C2CD4B: variants seen among roughly 807,000 people sequenced by gnomAD.
C2CD4B encodes C2 calcium dependent domain containing 4B, also known as C2 calcium-dependent domain-containing protein 4B.
For synonymous variants in C2CD4B, 347 were observed against 284.9 expected (o/e 1.22, Z -2.20); for missense variants, 644 against 577.7 (o/e 1.11, Z -1.18).
rs2049573788 is a variant in C2CD4B at position 62,163,566 on chromosome 15, A to C, written c.*324T>G. ...TGAATAACTTGCTTTATTAAAAAAA[A>C]ACTGTAACATTGATAGAAAACCGGA... On this transcript the variant is annotated 3_prime_UTR_variant, in exon 2 of 2. Coordinates refer to ENST00000380392, the MANE Select transcript of C2CD4B (RefSeq NM_001007595.3). 3.3e-6 allele frequency: 1 copy of C among 299,896 alleles called. No individual in the cohort carries two copies. Among genetic ancestry groups the C allele is most frequent in the Non-Finnish European group, 6.1e-6 (1 of 164,652 alleles). The allele number at this position is 299,896 out of a possible 1,614,324, so 18.6% of individuals were successfully genotyped here. A position where few individuals can be genotyped will look rare whatever the true frequency, so the allele number is the denominator to read the frequency against.
chr15:62,164,797 T>C lies in C2CD4B; in HGVS notation c.188A>G (p.Asp63Gly), dbSNP rs779346787. The change falls in exon 2 of 2, where the codon GAC (aspartate) becomes GGC (glycine). Residue 63 changes from aspartate to glycine, a missense_variant. Coordinates refer to ENST00000380392, the MANE Select transcript of C2CD4B (RefSeq NM_001007595.3). The stretch of plus-strand genomic sequence containing the variant: ...CTCGTCTGCCGCGCGGGGCCACAGG[T>C]CGCTTTCAGCGGCGCAGCGCCGGGG... ...AVPRRCAAESDLWPRAADEDA... is the reference protein window; with the variant it reads ...AVPRRCAAESGLWPRAADEDA... 3 of 1,474,630 alleles carry C rather than the reference T, an allele frequency of 2.0e-6. No homozygotes were observed. Among genetic ancestry groups the C allele is most frequent in the Non-Finnish European group, 2.7e-6 (3 of 1,123,884 alleles). The allele number at this position is 1,474,630 out of a possible 1,614,324, so 91.3% of individuals were successfully genotyped here.
chr15:62,163,810 T>A lies in C2CD4B; in HGVS notation c.*80A>T. Reference sequence around the variant, plus strand: ...TAAAGCAGTATCATAAATAAAAAAATAAATAACGTTTATTCTGTACCACGC... The same window carrying A: ...TAAAGCAGTATCATAAATAAAAAAAAAAATAACGTTTATTCTGTACCACGC... On this transcript the variant is annotated 3_prime_UTR_variant, in exon 2 of 2. Transcript: ENST00000380392. 7.4e-7 allele frequency: 1 copy of A among 1,358,772 alleles called. No individual in the cohort carries two copies. Among genetic ancestry groups the A allele is most frequent in the Non-Finnish European group, 9.4e-7 (1 of 1,058,384 alleles). 84.2% of individuals were successfully genotyped at this position (1,358,772 alleles called of 1,614,324 possible). A position where few individuals can be genotyped will look rare whatever the true frequency, so the allele number is the denominator to read the frequency against.
chr15:62,164,677 A>G lies in C2CD4B; in HGVS notation c.308T>C (p.Leu103Pro), dbSNP rs1240724382. The G allele has an allele frequency of 1.4e-6, 2 of 1,451,388 alleles. No homozygotes were observed. The highest frequency in any genetic ancestry group is 1.3e-5 in the South Asian group (1 of 74,306). The allele number at this position is 1,451,388 out of a possible 1,614,324, so 89.9% of individuals were successfully genotyped here. ...GCGGCGCGTGTGCGGGCTCTCGAGC[A>G]GCGCGCAGAAGCCGTAGGTGGTGCG... ...RVRTTYGFCA[L>P]LESPHTRRKE... Residue 103 changes from leucine (L) to proline (P), a missense_variant, in exon 2 of 2, where the codon CTG (leucine) becomes CCG (proline). Leu to Pro is a moderately conservative substitution (Grantham distance 98). Coordinates refer to ENST00000380392, the MANE Select transcript of C2CD4B (RefSeq NM_001007595.3).
Position 62,165,273 on chromosome 15 carries a change from C to T in C2CD4B, c.-119G>A. On this transcript the variant is annotated 5_prime_UTR_variant, in exon 1 of 2. In the 5' UTR this introduces an upstream ATG that the reference lacks. Transcript: ENST00000380392. ...CCTCTAGCCCGCTGCCGAGGCGCCA[C>T]CTTCAGTACTGCGGCCAGGAGAGTG... 5.0e-6 allele frequency: 2 copies of T among 400,112 alleles called. No homozygotes were observed. Among genetic ancestry groups the T allele is most frequent in the Middle Eastern group, 6.2e-4 (1 of 1,616 alleles). 24.8% of individuals were successfully genotyped at this position (400,112 alleles called of 1,614,324 possible). A position where few individuals can be genotyped will look rare whatever the true frequency, so the allele number is the denominator to read the frequency against.
rs1001175877 is a variant in C2CD4B, at chr15:62,164,043, G to C, written c.942C>G (p.Ser314=). ...SAVVGRSRKA[S]FDQDFCFDGL... is the part of the protein sequence containing the mutation. ...CGTCGAAGCAAAAGTCCTGGTCAAA[G>C]GAGGCCTTGCGGCTGCGCCCCACCA... Residue 314 remains serine, a synonymous_variant, in exon 2 of 2, where the codon TCC becomes TCG. Transcript: ENST00000380392. 1.9e-6 allele frequency: 3 copies of C among 1,596,728 alleles called. No individual in the cohort carries two copies. In the East Asian group the frequency reaches 6.8e-5, roughly 36 times the overall value.
At position 62,164,107 on chromosome 15, in the gene C2CD4B, A is replaced by T. The variant is rs1251559769; in HGVS notation, c.878T>A (p.Leu293Gln). 1.3e-6 allele frequency: 2 copies of T among 1,507,654 alleles called. No homozygotes were observed. The highest frequency in any genetic ancestry group is 2.1e-5 in the Admixed American group (1 of 46,884). 93.4% of individuals were successfully genotyped at this position (1,507,654 alleles called of 1,614,324 possible). ...CCAACGCGCAGTGCCCGGCGGCCGC[A>T]GGACGAGGCTGAGGCGGCAGCGGAC... ...RAVRCRLSLVLRPPGTARWQC... is the reference protein window; with the variant it reads ...RAVRCRLSLVQRPPGTARWQC... Residue 293 changes from leucine (L) to glutamine (Q), a missense_variant, in exon 2 of 2, where the codon CTG (leucine) becomes CAG (glutamine). Physicochemically the swap from Leu to Gln is moderately radical, Grantham distance 113. Transcript: ENST00000380392.
Position 62,164,891 on chromosome 15 carries a change from C to G in C2CD4B, c.94G>C (p.Glu32Gln). Reference sequence around the variant, plus strand: ...GGCAGCCGCGGCGGGATGCAGAATTCGGGGATGCGATTCGGCGTGAGCACT... The same window carrying G: ...GGCAGCCGCGGCGGGATGCAGAATTGGGGGATGCGATTCGGCGTGAGCACT... ...AKVLTPNRIP[E>Q]FCIPPRLPAP... The change falls in exon 2 of 2, where the codon GAA (glutamate) becomes CAA (glutamine). Residue 32 changes from glutamate (E) to glutamine (Q), a missense_variant. Transcript: ENST00000380392. 2 of 1,527,480 alleles carry G rather than the reference C, an allele frequency of 1.3e-6. No individual in the cohort carries two copies. The highest frequency in any genetic ancestry group is 1.8e-6 in the Non-Finnish European group (2 of 1,141,670). 94.6% of individuals were successfully genotyped at this position (1,527,480 alleles called of 1,614,324 possible). A position where few individuals can be genotyped will look rare whatever the true frequency, so the allele number is the denominator to read the frequency against.
rs778686629 is a variant in C2CD4B, at chr15:62,164,178, C to A, written c.807G>T (p.Leu269=). The A allele has an allele frequency of 1.6e-5, 24 of 1,472,668 alleles. No homozygotes were observed. In the South Asian group the frequency reaches 2.9e-4, roughly 18 times the overall value. 91.2% of individuals were successfully genotyped at this position (1,472,668 alleles called of 1,614,324 possible). ...CTCCGAACAGGCTCTCCGCGCGGAG[C>A]AGCCGGAGGCGGAGACGCCGGGTTC... ...CPGTRRLRLR[L]LRAESLFGGA... is the part of the protein sequence containing the mutation. The change falls in exon 2 of 2, where the codon CTG becomes CTT. Residue 269 remains leucine (L), a synonymous_variant. Transcript: ENST00000380392.
At position 62,164,161 on chromosome 15, in the gene C2CD4B, A is replaced by T. The variant is rs1354174270; in HGVS notation, c.824T>A (p.Leu275Gln). 2.0e-6 allele frequency: 3 copies of T among 1,463,836 alleles called. No individual in the cohort carries two copies. Among genetic ancestry groups the T allele is most frequent in the Non-Finnish European group, 2.7e-6 (3 of 1,117,416 alleles). 90.7% of individuals were successfully genotyped at this position (1,463,836 alleles called of 1,614,324 possible). A position where few individuals can be genotyped will look rare whatever the true frequency, so the allele number is the denominator to read the frequency against. ...GCGGGGCCCGGGGGCGCCTCCGAACAGGCTCTCCGCGCGGAGCAGCCGGAG... is the reference window on the plus strand; with the variant it reads ...GCGGGGCCCGGGGGCGCCTCCGAACTGGCTCTCCGCGCGGAGCAGCCGGAG... ...LRLRLLRAES[L>Q]FGGAPGPRAV... Residue 275 changes from leucine to glutamine, a missense_variant, in exon 2 of 2, where the codon CTG becomes CAG. Leu to Gln is a moderately radical substitution (Grantham distance 113). Coordinates refer to ENST00000380392, the MANE Select transcript of C2CD4B (RefSeq NM_001007595.3).
In C2CD4B at chr15:62,164,921, C is replaced by A; in HGVS notation, c.64G>T (p.Ala22Ser). 2.6e-6 allele frequency: 4 copies of A among 1,536,988 alleles called. No homozygotes were observed. Among genetic ancestry groups the A allele is most frequent in the South Asian group, 2.4e-5 (2 of 83,844 alleles). Residue 22 changes from alanine to serine, a missense_variant, in exon 2 of 2, where the codon GCC (alanine) becomes TCC (serine). Coordinates refer to ENST00000380392, the MANE Select transcript of C2CD4B (RefSeq NM_001007595.3). ...AGSSAPKPAF[A>S]KVLTPNRIPE... is the part of the protein sequence containing the mutation. ...ATGCGATTCGGCGTGAGCACTTTGG[C>A]GAAGGCGGGCTTCGGCGCGGAGCTG...
In C2CD4B at chr15:62,164,390, C is replaced by G; in HGVS notation, c.595G>C (p.Val199Leu). Residue 199 changes from valine to leucine, a missense_variant, in exon 2 of 2, where the codon GTC becomes CTC. By Grantham distance (32) the Val-to-Leu change is conservative. Coordinates refer to ENST00000380392, the MANE Select transcript of C2CD4B (RefSeq NM_001007595.3). ...TCGTTCCCGCTGGAGACGGAGCGGA[C>G]GCGGGCCAGGCGGCGACTCCTTCCA... ...RAGRSRRLARVRSVSSGNEDE... is the reference protein window; with the variant it reads ...RAGRSRRLARLRSVSSGNEDE... 7.0e-7 allele frequency: 1 copy of G among 1,419,820 alleles called. No homozygotes were observed. Among genetic ancestry groups the G allele is most frequent in the Non-Finnish European group, 9.2e-7 (1 of 1,092,750 alleles). 88.0% of individuals were successfully genotyped at this position (1,419,820 alleles called of 1,614,324 possible). A position where few individuals can be genotyped will look rare whatever the true frequency, so the allele number is the denominator to read the frequency against.
chr15:62,163,886 G>A lies in C2CD4B; in HGVS notation c.*4C>T, dbSNP rs1197725032. On this transcript the variant is annotated 3_prime_UTR_variant, in exon 2 of 2. Transcript: ENST00000380392. ...GGCAGAGCGCCCCGGGGAGGGCTGG[G>A]CCCTCAGAGCAGCAGGAGGGCGCCC... 6.7e-6 allele frequency: 10 copies of A among 1,495,190 alleles called. No individual in the cohort carries two copies. In the Admixed American group the frequency reaches 1.9e-4, roughly 29 times the overall value. 92.6% of individuals were successfully genotyped at this position (1,495,190 alleles called of 1,614,324 possible). A position where few individuals can be genotyped will look rare whatever the true frequency, so the allele number is the denominator to read the frequency against.
Position 62,164,628 on chromosome 15 carries a change from G to T in C2CD4B, c.357C>A (p.Gly119=). The T allele has an allele frequency of 7.6e-7, 1 of 1,313,224 alleles. No homozygotes were observed. The highest frequency in any genetic ancestry group is 9.7e-7 in the Non-Finnish European group (1 of 1,035,128). The allele number at this position is 1,313,224 out of a possible 1,614,324, so 81.3% of individuals were successfully genotyped here. A position where few individuals can be genotyped will look rare whatever the true frequency, so the allele number is the denominator to read the frequency against. Residue 119 remains glycine, a synonymous_variant, in exon 2 of 2, where the codon GGC becomes GGA. Transcript: ENST00000380392. ...TRRKESLLLG[G]PPAPRPRAHS... is the part of the protein sequence containing the mutation. ...GGGCCCGGGGCCGGGGCGCGGGCGGGCCCCCGAGCAGGAGCGACTCCTTGC... is the reference window on the plus strand; with the variant it reads ...GGGCCCGGGGCCGGGGCGCGGGCGGTCCCCCGAGCAGGAGCGACTCCTTGC...
Position 62,164,543 on chromosome 15 carries a change from C to A in C2CD4B, c.442G>T (p.Gly148Cys). 1 of 1,147,928 alleles carries A rather than the reference C, an allele frequency of 8.7e-7. No individual in the cohort carries two copies. Among genetic ancestry groups the A allele is most frequent in the Non-Finnish European group, 1.1e-6 (1 of 936,204 alleles). 71.1% of individuals were successfully genotyped at this position (1,147,928 alleles called of 1,614,324 possible). Residue 148 changes from glycine (G) to cysteine (C), a missense_variant, in exon 2 of 2, where the codon GGT (glycine) becomes TGT (cysteine). Physicochemically the swap from Gly to Cys is radical, Grantham distance 159. Transcript: ENST00000380392. ...GCCGCGGGGGTGGCCGGGCCCGGAC[C>A]TCGCGGGCCGCACAGGGTCCCCAGG... is the stretch of plus-strand genomic sequence containing the variant. ...APLGTLCGPRGPGPATPAAPG... is the reference protein window; with the variant it reads ...APLGTLCGPRCPGPATPAAPG...
At chr15:62,165,069 G>T in intron 1 of C2CD4B, 45 bp from the exon 2 acceptor site, 2 of 1,414,340 alleles carry the variant, frequency 1.4e-6, no homozygotes, top group East Asian at 2.9e-5. Flanking sequence ...TGGAGCTGCT[G>T]CAGCCCCTCG....
rs980084921 is a variant in C2CD4B at position 62,163,969 on chromosome 15, C to T, written c.1016G>A (p.Arg339Gln). ...CCGATCCCGGCCGCGACCCTCATCC[C>T]GGGCCTTGACGCGAACGGCCAGGCG... ...VRRLAVRVKA[R>Q]DEGRGRDRGR... Residue 339 changes from arginine (R) to glutamine (Q), a missense_variant, in exon 2 of 2, where the codon CGG (arginine) becomes CAG (glutamine). Coordinates refer to ENST00000380392, the MANE Select transcript of C2CD4B (RefSeq NM_001007595.3). 6.3e-6 allele frequency: 10 copies of T among 1,593,344 alleles called. No individual in the cohort carries two copies. The highest frequency in any genetic ancestry group is 8.5e-6 in the Non-Finnish European group (10 of 1,173,074).
Position 62,164,583 on chromosome 15 carries a change from T to G in C2CD4B, c.402A>C (p.Gly134=). Reference sequence around the variant, plus strand: ...GGGTCCCCAGGGGGGCGTCCGGGCCTCCGCCGCCGCCGCAGCTGTGGGCCC... The same window carrying G: ...GGGTCCCCAGGGGGGCGTCCGGGCCGCCGCCGCCGCCGCAGCTGTGGGCCC... The part of the protein sequence containing the change: ...RPRAHSCGGG[G]GPDAPLGTLC... Residue 134 remains glycine (G), a synonymous_variant, in exon 2 of 2, where the codon GGA becomes GGC. Coordinates refer to ENST00000380392, the MANE Select transcript of C2CD4B (RefSeq NM_001007595.3). 1 of 1,203,552 alleles carries G rather than the reference T, an allele frequency of 8.3e-7. No homozygotes were observed. Among genetic ancestry groups the G allele is most frequent in the Non-Finnish European group, 1.0e-6 (1 of 973,270 alleles). 74.6% of individuals were successfully genotyped at this position (1,203,552 alleles called of 1,614,324 possible).
chr15:62,165,095 T>TC, intron 1 of C2CD4B, 71 bp from the exon 2 acceptor site: 1 of 1,318,222 alleles, frequency 7.6e-7, no homozygotes, highest in Non-Finnish European at 9.9e-7. Flanking sequence ...GCTGGATCCC[T>TC]CCCCCAGACC....
Position 62,163,976 on chromosome 15 carries a change from TG to T in C2CD4B, c.1008del (p.Lys337ArgfsTer45). The T allele has an allele frequency of 6.3e-7, 1 of 1,597,198 alleles. No homozygotes were observed. ...EDEVRRLAVR[V>X]KARDEGRGRD... ...CGGCCGCGACCCTCATCCCGGGCCT[TG>T]ACGCGAACGGCCAGGCGGCGCACCT... On this transcript the variant is annotated frameshift_variant, in exon 2 of 2. Coordinates refer to ENST00000380392, the MANE Select transcript of C2CD4B (RefSeq NM_001007595.3). LOFTEE classifies it low-confidence loss of function (END_TRUNC).
Sources: allele counts gnomAD v4.1 joint callset, GRCh38; gene constraint gnomAD v4.1.1; transcripts MANE v1.5; gene names NCBI Gene and HGNC (gene_info 2026-07-23, HGNC 2026-07-21).